The following TNNI3K variants were observed in gnomAD, a reference collection of about 807,000 sequenced individuals.
TNNI3K encodes the protein TNNI3 interacting kinase.
In TNNI3K, 140 loss-of-function variants were observed where a neutral mutation model predicts 114.5. That is an observed-to-expected ratio of 1.22 (90% CI 1.07 to 1.41). The LOEUF (loss-of-function observed/expected upper bound fraction) is 1.41. Among genes scored for constraint, TNNI3K ranks in the 40% most tolerant of loss-of-function variants. The pLI is 0.00. For missense variants in TNNI3K, 1,125 were observed against 1,007.6 expected (o/e 1.12, Z -1.58); for synonymous variants, 347 against 347.5 (o/e 1.00, Z 0.02).
At chr1:74,416,663 G>C in intron 17 of TNNI3K, 1 of 687,326 alleles carries the variant, frequency 1.5e-6, no homozygotes. Context: ...AATTTTAATT[G>C]ATTTTTTTTC....
At chr1:74,289,845 C>T (rs530649285) in intron 5 of TNNI3K, among the ~76,000 whole-genome samples, 95 of 151,962 alleles carry the variant, frequency 6.3e-4, no homozygotes, top group African/African-American at 2.2e-3. Context: ...GACTCTGACA[C>T]CGATAATACT....
chr1:74,412,242 T>A (rs1664914976), intron 17 of TNNI3K, among the ~76,000 whole-genome samples: 1 of 152,102 alleles, frequency 6.6e-6, no homozygotes, highest in Non-Finnish European at 1.5e-5. Flanking sequence ...ATTCCATTAT[T>A]CTTTGGTAGA....
At chr1:74,396,357 T>A (rs1286884945) in intron 17 of TNNI3K, among the ~76,000 whole-genome samples, 1 of 152,178 alleles carries the variant, frequency 6.6e-6, no homozygotes, top group African/African-American at 2.4e-5. Flanking sequence ...CTTAGAGAAG[T>A]CCCTGTGGGA....
intron 17 of TNNI3K, among the ~76,000 whole-genome samples, chr1:74,433,668 C>G (rs191892019): frequency 6.6e-6 from 1 of 152,150 alleles, no homozygotes; most frequent in African/African-American, 2.4e-5. Flanking sequence ...GTCACTGCAT[C>G]CTTTGTTTTG....
At position 74,326,310 on chromosome 1, in the gene TNNI3K, G is replaced by A. The variant is rs920414492; in HGVS notation, c.445-5140G>A. Among the ~76,000 whole-genome samples, 12 of 151,970 alleles carry A rather than the reference G, an allele frequency of 7.9e-5. No individual in the cohort carries two copies. The South Asian group carries it at 1.9e-3, about 24-fold the overall frequency. On this transcript the variant is annotated intron_variant, in intron 5 of 24. Transcript: ENST00000326637. ...TGGGACATTTGGTTCCTCTTTATAC[G>A]GTCATTCTTTTTTCTCCTTTAACCC...
At chr1:74,289,962 A>G (rs1284221524) in intron 5 of TNNI3K, among the ~76,000 whole-genome samples, 11 of 151,636 alleles carry the variant, frequency 7.3e-5, no homozygotes, top group South Asian at 2.1e-4. Context: ...CTAGTCAATC[A>G]CCATTTTATA....
At chr1:74,451,705 T>A (rs1419735674) in intron 20 of TNNI3K, among the ~76,000 whole-genome samples, 42 of 77,018 alleles carry the variant, frequency 5.5e-4, no homozygotes, top group African/African-American at 1.8e-3. Context: ...CTTTCTTTCT[T>A]TCTTTCTTTC....
chr1:74,493,839 T>G (rs966692088), intron 23 of TNNI3K, among the ~76,000 whole-genome samples: 6 of 152,250 alleles, frequency 3.9e-5, no homozygotes, highest in Non-Finnish European at 8.8e-5. Flanking sequence ...TTGTATCCTC[T>G]GACAACATTC....
intron 5 of TNNI3K, among the ~76,000 whole-genome samples, chr1:74,296,612 A>G (rs2100305229): frequency 6.6e-6 from 1 of 152,164 alleles, no homozygotes; most frequent in Non-Finnish European, 1.5e-5. Flanking sequence ...TAATGCACAT[A>G]TACTGGGGGT....
intron 12 of TNNI3K, 89 bp downstream of exon 12, chr1:74,367,431 G>A (rs948609286): frequency 1.4e-6 from 2 of 1,411,298 alleles, no homozygotes; most frequent in African/African-American, 1.4e-5. Flanking sequence ...ATTCTTTCAG[G>A]GGTTAGGGAG....
chr1:74,326,832 T>G (rs1172262798), intron 5 of TNNI3K, among the ~76,000 whole-genome samples: 2 of 152,150 alleles, frequency 1.3e-5, no homozygotes, highest in Non-Finnish European at 2.9e-5. Flanking sequence ...GGCTCATGCC[T>G]GTAATCCCAG....
rs541660372 is a variant in TNNI3K, at chr1:74,323,503, T to C, written c.445-7947T>C. On this transcript the variant is annotated intron_variant, in intron 5 of 24. Coordinates refer to ENST00000326637, the MANE Select transcript of TNNI3K (RefSeq NM_015978.3). ...AAAATAACAAGAATCAAAAGGCAAG[T>C]GGTAAAGATTTGATCAATGCAAAGA... Among the ~76,000 whole-genome samples, 6 of 151,870 alleles carry C rather than the reference T, an allele frequency of 4.0e-5. No homozygotes were observed. In the South Asian group the frequency reaches 8.3e-4, roughly 21 times the overall value.
intron 23 of TNNI3K, among the ~76,000 whole-genome samples, chr1:74,502,462 A>G (rs1197123547): frequency 6.6e-6 from 1 of 152,150 alleles, no homozygotes; most frequent in East Asian, 1.9e-4. Context: ...AAAAAATGGT[A>G]GTTCATAATT....
chr1:74,488,309 G>A (rs1189250713), intron 21 of TNNI3K, among the ~76,000 whole-genome samples: 1 of 152,218 alleles, frequency 6.6e-6, no homozygotes, highest in East Asian at 1.9e-4. Flanking sequence ...AGGAGTATGT[G>A]AGAGGAAACA....
intron 23 of TNNI3K, among the ~76,000 whole-genome samples, chr1:74,497,399 C>A (rs929920292): frequency 1.3e-5 from 2 of 152,010 alleles, no homozygotes; most frequent in African/African-American, 2.4e-5. Context: ...TTCTTCCAAT[C>A]TTTCTATCCT....
At chr1:74,321,878 T>C (rs1219913852) in intron 5 of TNNI3K, among the ~76,000 whole-genome samples, 2 of 152,050 alleles carry the variant, frequency 1.3e-5, no homozygotes. Context: ...ATTACAAAAA[T>C]ATTCAACCAA....
At chr1:74,423,495 A>G (rs528612153) in intron 17 of TNNI3K, among the ~76,000 whole-genome samples, 4 of 152,266 alleles carry the variant, frequency 2.6e-5, no homozygotes, top group African/African-American at 7.2e-5. Flanking sequence ...AACCAGAACA[A>G]TGTGGATTCT....
At chr1:74,433,017 C>T (rs2100657000) in intron 17 of TNNI3K, among the ~76,000 whole-genome samples, 1 of 152,138 alleles carries the variant, frequency 6.6e-6, no homozygotes, top group African/African-American at 2.4e-5. Flanking sequence ...GTTGAAAACA[C>T]CAGTGCCTGC....
chr1:74,360,098 CT>C (rs557311437), intron 11 of TNNI3K, among the ~76,000 whole-genome samples: 63 of 150,912 alleles, frequency 4.2e-4, no homozygotes, highest in Non-Finnish European at 7.5e-4. Context: ...ATCCTTTTTT[CT>C]TTTTTTTTAC....
Sources: gnomAD v4.1 joint callset for allele counts (sites outside exome capture counted in the v4.1 genomes callset) on GRCh38, gnomAD v4.1.1 for gene constraint, MANE v1.5 for transcripts, NCBI Gene and HGNC (gene_info 2026-07-23, HGNC 2026-07-21) for gene names.